Variants in PITPNM3 observed in about 807,000 individuals in gnomAD.
PITPNM3 encodes the protein membrane-associated phosphatidylinositol transfer protein 3.
PITPNM3 carries 26 observed loss-of-function variants against 102.0 expected under a neutral mutation model. That is an observed-to-expected ratio of 0.25 (90% CI 0.19 to 0.35). The LOEUF is 0.35. Ranked by LOEUF, PITPNM3 falls within the 10% of genes least tolerant of loss-of-function variation. The pLI is 1.00. For synonymous variants in PITPNM3, 578 were observed against 558.6 expected (o/e 1.03, Z -0.49); for missense variants, 1,083 against 1,346.1 (o/e 0.80, Z 3.06).
intron 3 of PITPNM3, among the ~76,000 whole-genome samples, chr17:6,511,329 G>A (rs910071870): frequency 6.6e-6 from 1 of 152,160 alleles, no homozygotes; most frequent in African/African-American, 2.4e-5. Flanking sequence ...CTGACTACAC[G>A]ATCTAGTCTT....
chr17:6,478,495 G>A lies in PITPNM3; in HGVS notation c.777+52C>T. 4 of 1,601,140 alleles carry A rather than the reference G, an allele frequency of 2.5e-6. No individual in the cohort carries two copies. Among genetic ancestry groups the A allele is most frequent in the Non-Finnish European group, 3.4e-6 (4 of 1,169,810 alleles). ...TCAGTAGATTCCAGCCTCTCTCCCAGGCCGGGGCCGGAACAGGGGAGGGGA... is the reference window on the plus strand; with the variant it reads ...TCAGTAGATTCCAGCCTCTCTCCCAAGCCGGGGCCGGAACAGGGGAGGGGA... On this transcript the variant is annotated intron_variant, in intron 7 of 19. Coordinates refer to ENST00000262483, the MANE Select transcript of PITPNM3 (RefSeq NM_031220.4). This position sits in a 1 kb window ranked among gnomAD's most constrained non-coding sequence, Gnocchi z 4.4.
intron 3 of PITPNM3, among the ~76,000 whole-genome samples, chr17:6,508,604 G>A (rs377473598): frequency 1.1e-4 from 17 of 152,150 alleles, no homozygotes; most frequent in South Asian, 2.1e-4. Flanking sequence ...TGAGGAGGAC[G>A]GGAGCAGAGA....
Position 6,458,707 on chromosome 17 carries a change from T to C in PITPNM3, c.2491-985A>G, listed in dbSNP as rs115846162. Among the ~76,000 whole-genome samples the C allele has an allele frequency of 3.9e-3, 599 of 152,190 alleles. 1 individual carries two copies. Among genetic ancestry groups the C allele is most frequent in the African/African-American group, 0.014 (565 of 41,518 alleles). On this transcript the variant is annotated intron_variant, in intron 18 of 19. Transcript: ENST00000262483. The surrounding 1 kb of genome is among the most constrained non-coding windows in gnomAD (Gnocchi z 5.1). ...TGCACCAGCCCTGCTGCCTCGCCCC[T>C]TCCTCATCCTGCCTGAGTGACCCAT...
At chr17:6,474,103 A>C (rs1385238169) in intron 10 of PITPNM3, among the ~76,000 whole-genome samples, 1 of 151,894 alleles carries the variant, frequency 6.6e-6, no homozygotes. Flanking sequence ...GTACAGGAGA[A>C]GGAGAGGGTG....
At chr17:6,520,373 G>A (rs1908438631) in intron 3 of PITPNM3, among the ~76,000 whole-genome samples, 1 of 152,222 alleles carries the variant, frequency 6.6e-6, no homozygotes, top group African/African-American at 2.4e-5. Flanking sequence ...AGATTCCAAT[G>A]TCTATCACTG....
At chr17:6,481,773 T>C (rs1905687278) in intron 6 of PITPNM3, 1 of 149,002 alleles carries the variant, frequency 6.7e-6, no homozygotes, top group Non-Finnish European at 1.5e-5. Context: ...GATAGATAGA[T>C]AGATAGATAA....
In PITPNM3 at chr17:6,478,704, A is replaced by G. The variant is rs1458932992; in HGVS notation, c.620T>C (p.Leu207Pro). Residue 207 changes from leucine to proline, a missense_variant, in exon 7 of 20, where the codon CTC (leucine) becomes CCC (proline). By Grantham distance (98) the Leu-to-Pro change is moderately conservative. Transcript: ENST00000262483. The surrounding 1 kb of genome is among the most constrained non-coding windows in gnomAD (Gnocchi z 4.4). ...LNPYSHDEGC[L>P]SSSQDHVPLA... ...AGGGACGTGGTCCTGGCTGCTGCTG[A>G]GGCAGCCCTCATCGTGGCTGTAGGG... 1 of 1,599,090 alleles carries G rather than the reference A, an allele frequency of 6.3e-7. No homozygotes were observed. The highest frequency in any genetic ancestry group is 8.5e-7 in the Non-Finnish European group (1 of 1,172,926).
chr17:6,520,049 A>G (rs1351142895), intron 3 of PITPNM3, among the ~76,000 whole-genome samples: 1 of 152,218 alleles, frequency 6.6e-6, no homozygotes, highest in Non-Finnish European at 1.5e-5. Flanking sequence ...GCATATTGGC[A>G]AAAATTATGT....
In PITPNM3 at chr17:6,470,459, C is replaced by T. The variant is rs755528010; in HGVS notation, c.1625-51G>A. ...ATGCGTGGCCGGCCCGGGGCCTCAC[C>T]CGAGGGGCAGCGGGGTCTCCCATTG... On this transcript the variant is annotated intron_variant, in intron 12 of 19. Coordinates refer to ENST00000262483, the MANE Select transcript of PITPNM3 (RefSeq NM_031220.4). This position sits in a 1 kb window ranked among gnomAD's most constrained non-coding sequence, Gnocchi z 4.8. The T allele has an allele frequency of 1.2e-6, 2 of 1,612,574 alleles. No homozygotes were observed. The highest frequency in any genetic ancestry group is 1.7e-5 in the Admixed American group (1 of 59,984).
chr17:6,516,893 T>A lies in PITPNM3; in HGVS notation c.226+8463A>T, dbSNP rs59689463. Among the ~76,000 whole-genome samples the A allele has an allele frequency of 4.6e-3, 698 of 151,666 alleles. 5 individuals carry two copies. The highest frequency in any genetic ancestry group is 0.016 in the African/African-American group (646 of 41,318). On this transcript the variant is annotated intron_variant, in intron 3 of 19. Coordinates refer to ENST00000262483, the MANE Select transcript of PITPNM3 (RefSeq NM_031220.4). The stretch of plus-strand genomic sequence containing the variant: ...AAAAAAAGAAAGAAAGAAAAAAAAA[T>A]TTAAAAACGTAAATCTTCAGGAAGA...
At chr17:6,544,353 C>T (rs1190023573) in intron 1 of PITPNM3, among the ~76,000 whole-genome samples, 1 of 152,020 alleles carries the variant, frequency 6.6e-6, no homozygotes, top group East Asian at 1.9e-4. Flanking sequence ...AGTGAGACCC[C>T]ATCTGTACAA....
At chr17:6,506,077 G>A (rs1907489378) in intron 3 of PITPNM3, among the ~76,000 whole-genome samples, 1 of 151,964 alleles carries the variant, frequency 6.6e-6, no homozygotes, top group Non-Finnish European at 1.5e-5. Flanking sequence ...AGGAAGGCAG[G>A]AAGCCCATTT....
chr17:6,462,894 T>C (rs997995980), intron 17 of PITPNM3, among the ~76,000 whole-genome samples: 2 of 151,942 alleles, frequency 1.3e-5, no homozygotes, highest in South Asian at 2.1e-4. Flanking sequence ...TGGAGCACCA[T>C]GGGGAGCACC....
rs1909517531 is a variant in PITPNM3 at position 6,537,745 on chromosome 17, G to A, written c.118+242C>T. Among the ~76,000 whole-genome samples, 1 of 152,210 alleles carries A rather than the reference G, an allele frequency of 6.6e-6. No homozygotes were observed. Among genetic ancestry groups the A allele is most frequent in the Admixed American group, 6.5e-5 (1 of 15,280 alleles). ...AGCAATGTGACGACTGATTGCCACA[G>A]GATCCCTGGCACCTAGCAGAGTTCC... On this transcript the variant is annotated intron_variant, in intron 2 of 19. Transcript: ENST00000262483. This position sits in a 1 kb window ranked among gnomAD's most constrained non-coding sequence, Gnocchi z 4.4.
chr17:6,470,176 A>C lies in PITPNM3; in HGVS notation c.1773+84T>G. ...AGGCCAAAAGCTGAACAGTGTCTGC[A>C]AGAATAGCCTCCTCTCCAGCTGGAG... On this transcript the variant is annotated intron_variant, in intron 13 of 19. Transcript: ENST00000262483. The surrounding 1 kb of genome is among the most constrained non-coding windows in gnomAD (Gnocchi z 4.8). The C allele has an allele frequency of 6.9e-7, 1 of 1,443,574 alleles. No homozygotes were observed. Among genetic ancestry groups the C allele is most frequent in the Non-Finnish European group, 9.4e-7 (1 of 1,058,440 alleles). The allele number at this position is 1,443,574 out of a possible 1,614,324, so 89.4% of individuals were successfully genotyped here. A position where few individuals can be genotyped will look rare whatever the true frequency, so the allele number is the denominator to read the frequency against.
chr17:6,542,116 G>C (rs1216486079), intron 1 of PITPNM3, among the ~76,000 whole-genome samples: 1 of 152,186 alleles, frequency 6.6e-6, no homozygotes, highest in Non-Finnish European at 1.5e-5. Flanking sequence ...ACCTGTTTCT[G>C]GCCAGCTGGG....
intron 4 of PITPNM3, among the ~76,000 whole-genome samples, 192 bp from the exon 5 acceptor site, chr17:6,484,484 C>A (rs1451231504): frequency 6.6e-6 from 1 of 152,242 alleles, no homozygotes; most frequent in Non-Finnish European, 1.5e-5. Flanking sequence ...GAAACCCTTT[C>A]TCCTCATAAG....
chr17:6,473,396 C>G (rs377230816), intron 10 of PITPNM3, among the ~76,000 whole-genome samples: 6 of 152,266 alleles, frequency 3.9e-5, no homozygotes, highest in South Asian at 2.1e-4. Flanking sequence ...GGGACTGGAC[C>G]GTCCAGCATC....
chr17:6,555,816 T>G (rs908187414), intron 1 of PITPNM3, among the ~76,000 whole-genome samples: 1 of 152,166 alleles, frequency 6.6e-6, no homozygotes, highest in Admixed American at 6.5e-5. Context: ...CCTCCGCAGC[T>G]GAGGCTTTGC....
Sources: gnomAD v4.1 joint callset for allele counts (sites outside exome capture counted in the v4.1 genomes callset) on GRCh38, gnomAD v4.1.1 for gene constraint, Gnocchi (gnomAD v3.1) non-coding constraint, MANE v1.5 for transcripts, NCBI Gene and HGNC (gene_info 2026-07-23, HGNC 2026-07-21) for gene names.